TANC2: variants seen among roughly 807,000 people sequenced by gnomAD.
TANC2 encodes tetratricopeptide repeat, ankyrin repeat and coiled-coil containing 2, also known as protein TANC2.
A neutral mutation model predicts 210.5 loss-of-function variants in TANC2; 26 were observed. That is an observed-to-expected ratio of 0.12 (90% CI 0.09 to 0.17). The LOEUF is 0.17. Among genes scored for constraint, TANC2 ranks in the 10% least tolerant of loss-of-function variants. The pLI is 1.00. For missense variants in TANC2, 2,129 were observed against 2,608.9 expected (o/e 0.82, Z 4.01); for synonymous variants, 931 against 967.1 (o/e 0.96, Z 0.69).
intron 9 of TANC2, among the ~76,000 whole-genome samples, chr17:63,277,738 A>G (rs963691647): frequency 7.2e-5 from 11 of 152,112 alleles, no homozygotes; most frequent in Non-Finnish European, 1.3e-4. Flanking sequence ...AGGAACAGAG[A>G]TAGTAAGATA....
At chr17:62,986,267 C>CT (rs1309334350) in intron 1 of TANC2, among the ~76,000 whole-genome samples, 1 of 152,110 alleles carries the variant, frequency 6.6e-6, no homozygotes, top group Non-Finnish European at 1.5e-5. Context: ...GGTTGGCTAA[C>CT]TTGGGGCTGG....
chr17:63,111,993 G>C (rs1199866036), intron 4 of TANC2, among the ~76,000 whole-genome samples: 1 of 152,128 alleles, frequency 6.6e-6, no homozygotes, highest in Non-Finnish European at 1.5e-5. Flanking sequence ...CAAAGTGCTG[G>C]GGTTACAGGC....
chr17:63,365,641 T>C (rs2047088021), intron 14 of TANC2, among the ~76,000 whole-genome samples: 3 of 152,184 alleles, frequency 2.0e-5, no homozygotes, highest in Admixed American at 2.0e-4. Context: ...AAGTTCATTC[T>C]TTCTCCCTCT....
At chr17:63,019,909 A>G (rs769264525) in intron 2 of TANC2, among the ~76,000 whole-genome samples, 9 of 151,526 alleles carry the variant, frequency 5.9e-5, no homozygotes, top group South Asian at 2.1e-4. Flanking sequence ...CTCCCAGTCT[A>G]TAGTTTTTGT....
At chr17:62,968,900 G>C (rs1233151168) in intron 1 of TANC2, among the ~76,000 whole-genome samples, 1 of 151,992 alleles carries the variant, frequency 6.6e-6, no homozygotes, top group Non-Finnish European at 1.5e-5. Flanking sequence ...TCAGGAAGAG[G>C]GTGCAATACA....
intron 17 of TANC2, among the ~76,000 whole-genome samples, chr17:63,394,181 C>T (rs1046378236): frequency 6.6e-6 from 1 of 152,168 alleles, no homozygotes; most frequent in Non-Finnish European, 1.5e-5. Context: ...GATCCCTTCT[C>T]CCCCATGTAT....
chr17:63,397,327 A>G (rs889275611), intron 18 of TANC2, among the ~76,000 whole-genome samples: 1 of 152,164 alleles, frequency 6.6e-6, no homozygotes, highest in Non-Finnish European at 1.5e-5. Context: ...TACAAATAAT[A>G]ATGAACTATA....
At chr17:63,115,602 A>G (rs1257479809) in intron 4 of TANC2, among the ~76,000 whole-genome samples, 2 of 152,236 alleles carry the variant, frequency 1.3e-5, no homozygotes, top group East Asian at 1.9e-4. Flanking sequence ...CCAGTCAAAC[A>G]TAAAACCTAG....
intron 15 of TANC2, among the ~76,000 whole-genome samples, chr17:63,386,817 G>T (rs2047795320): frequency 1.3e-5 from 2 of 151,972 alleles, no homozygotes; most frequent in African/African-American, 2.4e-5. Context: ...AAACTGAAAT[G>T]TAGAAGTCTT....
At chr17:62,975,601 T>C (rs1428288118) in intron 1 of TANC2, among the ~76,000 whole-genome samples, 2 of 151,704 alleles carry the variant, frequency 1.3e-5, no homozygotes, top group East Asian at 3.9e-4. Context: ...TTGAAAGCTG[T>C]TATTCAGACA....
intron 9 of TANC2, among the ~76,000 whole-genome samples, chr17:63,286,164 A>T (rs1369067968): frequency 6.6e-6 from 1 of 152,202 alleles, no homozygotes; most frequent in Non-Finnish European, 1.5e-5. Flanking sequence ...TAAAAATCTT[A>T]TGTATTTATC....
At chr17:63,080,688 ATTATTC>A (rs2036740685) in intron 3 of TANC2, among the ~76,000 whole-genome samples, 1 of 152,212 alleles carries the variant, frequency 6.6e-6, no homozygotes, top group South Asian at 2.1e-4. Context: ...AAACACACAA[ATTATTC>A]TTCAGTCTGG....
intron 9 of TANC2, among the ~76,000 whole-genome samples, chr17:63,310,821 G>T (rs935904397): frequency 6.6e-6 from 1 of 152,184 alleles, no homozygotes; most frequent in African/African-American, 2.4e-5. Flanking sequence ...GAGGGATATG[G>T]TCATTTTCAC....
intron 2 of TANC2, among the ~76,000 whole-genome samples, chr17:63,064,754 TATA>T (rs1336334188): frequency 6.6e-6 from 1 of 152,138 alleles, no homozygotes. Flanking sequence ...TATATTAAGT[TATA>T]ATTTAAAAAT....
chr17:63,024,122 C>A (rs1342345640), intron 2 of TANC2, among the ~76,000 whole-genome samples: 2 of 152,022 alleles, frequency 1.3e-5, no homozygotes, highest in Non-Finnish European at 2.9e-5. Flanking sequence ...AGAACTGTTA[C>A]CAGAAAGGGG....
In TANC2 at chr17:63,362,513, TGCCGAGAGGCACCTGCAG is replaced by T. The variant is rs747068037; in HGVS notation, c.2582+7145_2582+7162del. ...TCATCCATGGCACCCAGGCTGTTCA[TGCCGAGAGGCACCTGCAG>T]GCCGAGAGGCACCTGCAGGCCTGCA... On this transcript the variant is annotated intron_variant, in intron 14 of 27. Transcript: ENST00000689528. 1.4e-3 allele frequency among the ~76,000 whole-genome samples: 215 copies of T among 152,182 alleles called. 1 individual carries two copies. The highest frequency in any genetic ancestry group is 1.5e-3 in the South Asian group (7 of 4,812).
chr17:63,147,516 A>C (rs935419687), intron 4 of TANC2, among the ~76,000 whole-genome samples: 1 of 152,178 alleles, frequency 6.6e-6, no homozygotes, highest in African/African-American at 2.4e-5. Flanking sequence ...AGTGTTCACA[A>C]ACTTCAGTGT....
intron 5 of TANC2, chr17:63,153,772 T>C (rs1598484196): frequency 6.6e-6 from 1 of 152,206 alleles, no homozygotes; most frequent in Non-Finnish European, 1.5e-5. Flanking sequence ...TTCTGTGTTA[T>C]CTAAACTTAA....
chr17:63,341,379 C>T (rs780786476), intron 12 of TANC2, among the ~76,000 whole-genome samples: 3 of 152,172 alleles, frequency 2.0e-5, no homozygotes, highest in Non-Finnish European at 4.4e-5. Flanking sequence ...GTTAATTCTG[C>T]CTTCGTCATG....
Sources: allele counts gnomAD v4.1 joint callset (sites outside exome capture counted in the v4.1 genomes callset), GRCh38; gene constraint gnomAD v4.1.1; transcripts MANE v1.5; gene names NCBI Gene and HGNC (gene_info 2026-07-23, HGNC 2026-07-21).